The following ADAMTS12 variants were observed in gnomAD, a reference collection of about 807,000 sequenced individuals.
ADAMTS12 encodes the protein ADAM metallopeptidase with thrombospondin type 1 motif 12.
A neutral mutation model predicts 167.8 loss-of-function variants in ADAMTS12; 118 were observed. The observed-to-expected ratio is 0.70, with a 90% confidence interval of 0.61 to 0.82. The LOEUF is 0.82. Ranked by LOEUF, ADAMTS12 falls within the 40% of genes least tolerant of loss-of-function variation. The probability of loss-of-function intolerance (pLI) is 0.00; values close to 1 mark genes in which losing one functional copy is unlikely to be tolerated. For synonymous variants in ADAMTS12, 704 were observed against 716.9 expected (o/e 0.98, Z 0.29); for missense variants, 1,916 against 1,998.8 (o/e 0.96, Z 0.79).
chr5:33,639,361 C>T (rs1740348878), intron 11 of ADAMTS12, among the ~76,000 whole-genome samples: 1 of 151,966 alleles, frequency 6.6e-6, no homozygotes, highest in Non-Finnish European at 1.5e-5. Context: ...AAAAAATGAG[C>T]TATATAAGAA....
Position 33,616,016 on chromosome 5 carries a change from T to C in ADAMTS12, c.2200A>G (p.Ile734Val). Residue 734 changes from isoleucine (I) to valine (V), a missense_variant, in exon 15 of 24, where the codon ATT (isoleucine) becomes GTT (valine). Coordinates refer to ENST00000504830, the MANE Select transcript of ADAMTS12 (RefSeq NM_030955.4). ...GCCAGGAAGTTTCCAGCTCCCTCAA[T>C]TTCCATCACTCTTATGTCCCTTGCT... ...KGARDIRVME[I>V]EGAGNFLAIR... The C allele has an allele frequency of 6.2e-7, 1 of 1,614,178 alleles. No individual in the cohort carries two copies. Among genetic ancestry groups the C allele is most frequent in the South Asian group, 1.1e-5 (1 of 91,084 alleles).
intron 18 of ADAMTS12, among the ~76,000 whole-genome samples, chr5:33,577,398 A>G (rs1746814187): frequency 6.6e-6 from 1 of 152,218 alleles, no homozygotes; most frequent in South Asian, 2.1e-4. Flanking sequence ...GTAAACCATG[A>G]TGTAGTCAAA....
chr5:33,654,874 T>TTGTGTG (rs34219097), intron 7 of ADAMTS12, among the ~76,000 whole-genome samples: 13,044 of 141,510 alleles, frequency 0.092, 792 homozygotes, highest in African/African-American at 0.16. Context: ...GTGGGTGATT[T>TTGTGTG]TGTGTGTGTG....
intron 2 of ADAMTS12, among the ~76,000 whole-genome samples, chr5:33,758,026 T>C (rs1264467435): frequency 6.6e-6 from 1 of 152,212 alleles, no homozygotes; most frequent in Non-Finnish European, 1.5e-5. Context: ...TTTCCTCATC[T>C]GATAAATATG....
chr5:33,715,245 G>A (rs1266505647), intron 3 of ADAMTS12, among the ~76,000 whole-genome samples: 1 of 151,964 alleles, frequency 6.6e-6, no homozygotes, highest in East Asian at 1.9e-4. Flanking sequence ...CAAGGGTTGA[G>A]CTTCATATGT....
At chr5:33,887,308 A>G (rs562039170) in intron 1 of ADAMTS12, among the ~76,000 whole-genome samples, 1 of 152,198 alleles carries the variant, frequency 6.6e-6, no homozygotes, top group South Asian at 2.1e-4. Flanking sequence ...CTATACTTCC[A>G]TCTCCGTAAA....
intron 18 of ADAMTS12, among the ~76,000 whole-genome samples, chr5:33,582,265 C>G (rs1412124151): frequency 2.0e-5 from 3 of 152,182 alleles, no homozygotes; most frequent in African/African-American, 7.2e-5. Context: ...GGAACCCTGG[C>G]AGAGCACAGG....
chr5:33,753,481 A>C (rs1745070202), intron 2 of ADAMTS12, among the ~76,000 whole-genome samples: 1 of 152,336 alleles, frequency 6.6e-6, no homozygotes, highest in African/African-American at 2.4e-5. Flanking sequence ...GCCTGTTGTC[A>C]GAAAGCTCAT....
chr5:33,790,970 C>T lies in ADAMTS12; in HGVS notation c.490-39422G>A, dbSNP rs559190763. On this transcript the variant is annotated intron_variant, in intron 2 of 23. Coordinates refer to ENST00000504830, the MANE Select transcript of ADAMTS12 (RefSeq NM_030955.4). ...CACATTTAGTGATGTTAACATTGGT[C>T]AGAGGGTTGCATGGTGATTCCCAGT... 3.8e-4 allele frequency among the ~76,000 whole-genome samples: 58 copies of T among 152,098 alleles called. 1 individual carries two copies. In the South Asian group the frequency reaches 0.012, roughly 32 times the overall value.
Position 33,525,117 on chromosome 5 carries a change from A to C in ADAMTS12, c.*2071T>G, listed in dbSNP as rs563264467. The C allele has an allele frequency of 6.6e-6, 1 of 152,152 alleles. No individual in the cohort carries two copies. The highest frequency in any genetic ancestry group is 2.4e-5 in the African/African-American group (1 of 41,484). 9.4% of individuals were successfully genotyped at this position (152,152 alleles called of 1,614,324 possible). ...CTTACTAAATGAATCCCCCTGAAAGACTACACTACACTTCAGGGACAGTCT... is the reference window on the plus strand; with the variant it reads ...CTTACTAAATGAATCCCCCTGAAAGCCTACACTACACTTCAGGGACAGTCT... On this transcript the variant is annotated 3_prime_UTR_variant, in exon 24 of 24. Coordinates refer to ENST00000504830, the MANE Select transcript of ADAMTS12 (RefSeq NM_030955.4).
At chr5:33,585,894 T>C (rs1450672375) in intron 18 of ADAMTS12, among the ~76,000 whole-genome samples, 1 of 152,028 alleles carries the variant, frequency 6.6e-6, no homozygotes, top group Non-Finnish European at 1.5e-5. Flanking sequence ...CTGAGCCCAC[T>C]CTCTCCTCAC....
intron 2 of ADAMTS12, among the ~76,000 whole-genome samples, chr5:33,795,007 A>C (rs1746718371): frequency 6.6e-6 from 1 of 152,256 alleles, no homozygotes. Context: ...TTTTTTAAAA[A>C]AGACATTTGA....
chr5:33,604,657 C>G (rs1438617984), intron 16 of ADAMTS12, among the ~76,000 whole-genome samples: 1 of 151,918 alleles, frequency 6.6e-6, no homozygotes, highest in East Asian at 1.9e-4. Flanking sequence ...CCTGCTGGCT[C>G]CATCACTTTA....
At chr5:33,696,337 C>T (rs13358697) in intron 3 of ADAMTS12, among the ~76,000 whole-genome samples, 6,539 of 149,044 alleles carry the variant, frequency 0.044, 292 homozygotes, top group East Asian at 0.17. Context: ...AGGAGAATGG[C>T]GGGAACCCGG....
chr5:33,655,001 G>T (rs1405226193), intron 7 of ADAMTS12, among the ~76,000 whole-genome samples: 1 of 151,786 alleles, frequency 6.6e-6, no homozygotes, highest in Non-Finnish European at 1.5e-5. Flanking sequence ...TCACTCTTCA[G>T]GTTCTGTGGT....
intron 20 of ADAMTS12, among the ~76,000 whole-genome samples, 199 bp downstream of exon 20, chr5:33,560,827 AG>A (rs1191286439): frequency 6.8e-6 from 1 of 146,918 alleles, no homozygotes; most frequent in East Asian, 2.2e-4. Flanking sequence ...GTAAATGACG[AG>A]TTAATGGGTG....
At position 33,576,655 on chromosome 5, in the gene ADAMTS12, G is replaced by T. The variant is rs773616516; in HGVS notation, c.3371C>A (p.Thr1124Lys). 1.1e-5 allele frequency: 18 copies of T among 1,613,858 alleles called. No individual in the cohort carries two copies. The highest frequency in any genetic ancestry group is 1.4e-5 in the Non-Finnish European group (17 of 1,180,016). The change falls in exon 19 of 24, where the codon ACA becomes AAA. Residue 1124 changes from threonine to lysine, a missense_variant. Transcript: ENST00000504830. ...GGAAGATGACAAGCCAGAACCACTT[G>T]TTGTTGTAGCTACAAGGCCTCCCTC... is the stretch of plus-strand genomic sequence containing the variant. ...TSEGGLVATT[T>K]SGSGLSSSRN...
At chr5:33,556,828 G>A (rs1055913680) in intron 20 of ADAMTS12, among the ~76,000 whole-genome samples, 7 of 152,218 alleles carry the variant, frequency 4.6e-5, no homozygotes, top group Admixed American at 4.6e-4. Context: ...CAGCCATGCA[G>A]CTGTGTGTGG....
At chr5:33,777,206 G>A (rs1409919890) in intron 2 of ADAMTS12, among the ~76,000 whole-genome samples, 1 of 152,046 alleles carries the variant, frequency 6.6e-6, no homozygotes, top group Admixed American at 6.6e-5. Flanking sequence ...ACCAAAGCCA[G>A]ACAAGGACAC....
Sources: gnomAD v4.1 joint callset for allele counts (sites outside exome capture counted in the v4.1 genomes callset) on GRCh38, gnomAD v4.1.1 for gene constraint, MANE v1.5 for transcripts, NCBI Gene and HGNC (gene_info 2026-07-23, HGNC 2026-07-21) for gene names.